The following RANBP2 variants were observed in gnomAD, a reference collection of about 807,000 sequenced individuals.
RANBP2 encodes the protein RAN binding protein 2.
Under a neutral mutation model 303.6 loss-of-function variants are expected in RANBP2, and 57 were observed. The observed-to-expected ratio is 0.19, with a 90% CI of 0.15 to 0.23. The LOEUF (loss-of-function observed/expected upper bound fraction) is 0.23. RANBP2 is among the 10% of genes least tolerant of loss of function. The pLI, the probability that RANBP2 is intolerant of heterozygous loss-of-function variation, is 1.00. For missense variants in RANBP2, 3,138 were observed against 3,780.8 expected, an observed-to-expected ratio of 0.83 and a Z score of 4.46; for synonymous variants, 1,167 against 1,301.5, an observed-to-expected ratio of 0.90 and a Z score of 2.23.
intron 17 of RANBP2, among the ~76,000 whole-genome samples, chr2:108,757,974 A>G (rs10204663): frequency 0.043 from 6,518 of 152,286 alleles, 465 homozygotes; most frequent in African/African-American, 0.14. Context: ...CCAGGTACCT[A>G]GAACTCACTG....
At chr2:109,586,647 G>A in the RANBP2 span, among the ~76,000 whole-genome samples, 2 of 152,332 alleles carry the variant, frequency 1.3e-5, no homozygotes, top group South Asian at 2.1e-4. Context: ...CCAGAAGGGG[G>A]AAAATGGGAA....
chr2:109,371,629 C>T, the RANBP2 span: 61 of 1,613,972 alleles, frequency 3.8e-5, no homozygotes, highest in Non-Finnish European at 4.4e-5. Flanking sequence ...GAGAACTGGG[C>T]GGAAGGCATG....
At chr2:109,490,709 C>A in the RANBP2 span, 10 of 1,534,268 alleles carry the variant, frequency 6.5e-6, no homozygotes, top group East Asian at 2.5e-4. Context: ...CCCAGGTGGC[C>A]GTGGACGCCC....
the RANBP2 span, among the ~76,000 whole-genome samples, chr2:109,248,075 G>A: frequency 6.6e-6 from 1 of 152,240 alleles, no homozygotes; most frequent in South Asian, 2.1e-4. Flanking sequence ...CAGGGAACAT[G>A]AATCAATTGG....
the RANBP2 span, among the ~76,000 whole-genome samples, chr2:109,507,590 C>G: frequency 6.6e-6 from 1 of 152,154 alleles, no homozygotes; most frequent in East Asian, 1.9e-4. Flanking sequence ...TGCTACCCAG[C>G]CTGTGGCTCC....
At chr2:109,260,552 C>T in the RANBP2 span, among the ~76,000 whole-genome samples, 3 of 152,196 alleles carry the variant, frequency 2.0e-5, no homozygotes, top group Non-Finnish European at 2.9e-5. Context: ...CACAGGGACA[C>T]CTTGGTCATA....
chr2:108,931,045 C>T, the RANBP2 span: 13 of 1,612,902 alleles, frequency 8.1e-6, no homozygotes, highest in East Asian at 2.2e-5. Flanking sequence ...GAAAGACATG[C>T]GTCATTAGCT....
chr2:109,575,156 CAT>C, the RANBP2 span, among the ~76,000 whole-genome samples: 1 of 152,236 alleles, frequency 6.6e-6, no homozygotes, highest in Non-Finnish European at 1.5e-5. Flanking sequence ...GATTCATTCT[CAT>C]AGTCATTCAC....
the RANBP2 span, among the ~76,000 whole-genome samples, chr2:109,528,802 T>G: frequency 6.6e-6 from 1 of 151,924 alleles, no homozygotes; most frequent in African/African-American, 2.4e-5. Flanking sequence ...CATCTTGAGA[T>G]GGAGACACCA....
intron 4 of RANBP2, among the ~76,000 whole-genome samples, chr2:108,733,223 A>T (rs577701948): frequency 1.0e-4 from 14 of 139,874 alleles, no homozygotes; most frequent in Admixed American, 6.5e-4. Flanking sequence ...TTTACTTCTG[A>T]GTAGTATTTC....
chr2:109,325,208 C>T, the RANBP2 span, among the ~76,000 whole-genome samples: 1 of 152,098 alleles, frequency 6.6e-6, no homozygotes, highest in African/African-American at 2.4e-5. Context: ...TCACTTCATC[C>T]CTCCAGCTGG....
chr2:109,166,283 C>T, the RANBP2 span, among the ~76,000 whole-genome samples: 1 of 151,874 alleles, frequency 6.6e-6, no homozygotes, highest in South Asian at 2.1e-4. Flanking sequence ...TCGAGACCAT[C>T]CTGGCCAACA....
At chr2:109,029,492 C>T in the RANBP2 span, among the ~76,000 whole-genome samples, 1 of 152,208 alleles carries the variant, frequency 6.6e-6, no homozygotes, top group African/African-American at 2.4e-5. Context: ...TCCTGGGAAG[C>T]AGCAGCTCAG....
At chr2:108,810,271 TTG>T in the RANBP2 span, among the ~76,000 whole-genome samples, 150 of 152,324 alleles carry the variant, frequency 9.8e-4, no homozygotes, top group African/African-American at 3.4e-3. Context: ...ATGATGTTAA[TTG>T]TGTGTTTGTT....
the RANBP2 span, among the ~76,000 whole-genome samples, chr2:108,844,748 ATTTT>A: frequency 7.3e-6 from 1 of 136,730 alleles, no homozygotes; most frequent in African/African-American, 2.7e-5. Flanking sequence ...TACTATCCAC[ATTTT>A]TTTTTTTTTT....
At chr2:108,939,559 G>C in the RANBP2 span, among the ~76,000 whole-genome samples, 1 of 149,004 alleles carries the variant, frequency 6.7e-6, no homozygotes, top group Non-Finnish European at 1.5e-5. Flanking sequence ...TGGAAAAGTA[G>C]AGAGAGAGGG....
the RANBP2 span, among the ~76,000 whole-genome samples, chr2:108,851,548 C>G: frequency 6.6e-6 from 1 of 152,126 alleles, no homozygotes; most frequent in South Asian, 2.1e-4. Context: ...GTGATCCGCC[C>G]ACCTCAGCCT....
At chr2:109,760,888 G>C in the RANBP2 span, among the ~76,000 whole-genome samples, 3 of 133,710 alleles carry the variant, frequency 2.2e-5, no homozygotes, top group Non-Finnish European at 3.2e-5. Context: ...TGGGGGTGGG[G>C]TGGGTCGGGG....
the RANBP2 span, among the ~76,000 whole-genome samples, chr2:109,654,590 G>A: frequency 6.6e-6 from 1 of 151,950 alleles, no homozygotes; most frequent in Non-Finnish European, 1.5e-5. Flanking sequence ...CTTTTCACTA[G>A]CCCTTCACTG....
Sources: allele counts gnomAD v4.1 joint callset (sites outside exome capture counted in the v4.1 genomes callset), GRCh38; gene constraint gnomAD v4.1.1; transcripts MANE v1.5; gene names NCBI Gene and HGNC (gene_info 2026-07-23, HGNC 2026-07-21).